The following REPS1 variants were observed in gnomAD, a reference collection of about 807,000 sequenced individuals.
The protein encoded by REPS1 is RALBP1 associated Eps domain containing 1.
REPS1 carries 39 observed loss-of-function variants against 100.9 expected under a neutral mutation model. The ratio of observed to expected loss-of-function variants is 0.39; its 90% CI spans 0.30 to 0.50. The LOEUF is 0.50. REPS1 is among the 20% of genes least tolerant of loss of function. REPS1 has a pLI of 0.86. For synonymous variants in REPS1, 324 were observed against 340.3 expected (o/e 0.95, Z 0.53); for missense variants, 821 against 968.5 (o/e 0.85, Z 2.02).
intron 1 of REPS1, among the ~76,000 whole-genome samples, chr6:138,976,121 T>A (rs1784588345): frequency 6.6e-6 from 1 of 152,152 alleles, no homozygotes; most frequent in African/African-American, 2.4e-5. Flanking sequence ...ATATACAGTA[T>A]CAATAAACAC....
Position 138,903,805 on chromosome 6 carries a change from G to A in REPS1, c.*1259C>T, listed in dbSNP as rs1779489349. The stretch of plus-strand genomic sequence containing the variant: ...TTCAGCTGATGTATATTTTTACCTA[G>A]ATATTGTCAGGTAAAAATTGTATTA... On this transcript the variant is annotated 3_prime_UTR_variant, in exon 20 of 20. Coordinates refer to ENST00000450536, the MANE Select transcript of REPS1 (RefSeq NM_001286611.2). 6.6e-6 allele frequency: 1 copy of A among 152,134 alleles called. No individual in the cohort carries two copies. The highest frequency in any genetic ancestry group is 2.4e-5 in the African/African-American group (1 of 41,434). 9.4% of individuals were successfully genotyped at this position (152,134 alleles called of 1,614,324 possible).
At chr6:138,985,767 T>A (rs1785222710) in intron 1 of REPS1, among the ~76,000 whole-genome samples, 1 of 152,216 alleles carries the variant, frequency 6.6e-6, no homozygotes, top group African/African-American at 2.4e-5. Context: ...TTGCACTGAA[T>A]TAAACATGTT....
chr6:138,981,145 G>A (rs1015831155), intron 1 of REPS1, among the ~76,000 whole-genome samples: 7 of 152,190 alleles, frequency 4.6e-5, no homozygotes, highest in South Asian at 4.1e-4. Context: ...TGTCCAGTGC[G>A]TGCAGCAGAA....
intron 9 of REPS1, chr6:138,929,508 C>G (rs1781354728): frequency 6.6e-6 from 1 of 152,572 alleles, no homozygotes; most frequent in Non-Finnish European, 1.5e-5. Flanking sequence ...GTAAAACATA[C>G]TTTCTTCATA....
chr6:138,930,078 C>T lies in REPS1; in HGVS notation c.1156G>A (p.Glu386Lys). ...DSADVGDQPG[E>K]VGYSGSPAEA... ...GCAGGAGAGCCTGAATAACCTACCT[C>T]ACCTGGCTGATCCCCAACATCTGCA... Residue 386 changes from glutamate (E) to lysine (K), a missense_variant, in exon 9 of 20, where the codon GAG becomes AAG. By Grantham distance (56) the Glu-to-Lys change is moderately conservative. Coordinates refer to ENST00000450536, the MANE Select transcript of REPS1 (RefSeq NM_001286611.2). 6.2e-7 allele frequency: 1 copy of T among 1,613,290 alleles called. No homozygotes were observed. Among genetic ancestry groups the T allele is most frequent in the Non-Finnish European group, 8.5e-7 (1 of 1,179,376 alleles).
chr6:138,911,255 T>C, intron 17 of REPS1, 21 bp downstream of exon 17: 2 of 1,466,100 alleles, frequency 1.4e-6, no homozygotes, highest in Non-Finnish European at 9.5e-7. Context: ...AAATTATTAT[T>C]ATAAAAGACA....
chr6:138,979,191 A>AC (rs1562569688), intron 1 of REPS1, among the ~76,000 whole-genome samples: 1 of 147,928 alleles, frequency 6.8e-6, no homozygotes, highest in East Asian at 2.0e-4. Context: ...AAAAAAAAAA[A>AC]AAAAAACAAA....
chr6:138,907,358 A>C, intron 19 of REPS1, 137 bp downstream of exon 19: 1 of 465,726 alleles, frequency 2.1e-6, no homozygotes, highest in Non-Finnish European at 4.0e-6. Context: ...GGGGTTAACT[A>C]ACCACAGTCA....
At chr6:138,943,669 A>C in intron 6 of REPS1, 93 bp from the exon 7 acceptor site, 1 of 1,084,230 alleles carries the variant, frequency 9.2e-7, no homozygotes, top group Non-Finnish European at 1.3e-6. Context: ...AACTGGGAAA[A>C]GATATTTTTA....
chr6:138,972,728 G>A (rs1055163959), intron 1 of REPS1, among the ~76,000 whole-genome samples: 5 of 150,338 alleles, frequency 3.3e-5, no homozygotes, highest in African/African-American at 4.9e-5. Context: ...TTGAAGTAAC[G>A]ATTGCTTAAA....
In REPS1 at chr6:138,917,591, T is replaced by G; in HGVS notation, c.1565A>C (p.Asp522Ala). ...GYSSSDSFTS[D>A]PEQIGSNVTR... ...TACATTGCTCCCGATCTGTTCTGGG[T>G]CAGAAGTAAAAGAGTCTGAACTACT... Residue 522 changes from aspartate (D) to alanine (A), a missense_variant, in exon 13 of 20, where the codon GAC (aspartate) becomes GCC (alanine). Transcript: ENST00000450536. The G allele has an allele frequency of 6.2e-7, 1 of 1,613,684 alleles. No homozygotes were observed.
intron 17 of REPS1, 45 bp downstream of exon 17, chr6:138,911,231 A>T: frequency 8.1e-7 from 1 of 1,236,514 alleles, no homozygotes; most frequent in Non-Finnish European, 1.2e-6. Context: ...ATTTCACATT[A>T]CTTATGATGT....
intron 1 of REPS1, among the ~76,000 whole-genome samples, chr6:138,958,726 T>C (rs1340052227): frequency 6.6e-6 from 1 of 152,236 alleles, no homozygotes; most frequent in Non-Finnish European, 1.5e-5. Context: ...ATTAACAGTT[T>C]TTGTTTTGTT....
intron 1 of REPS1, among the ~76,000 whole-genome samples, chr6:138,958,644 G>A (rs997335301): frequency 7.9e-5 from 12 of 152,140 alleles, no homozygotes; most frequent in South Asian, 2.1e-4. Context: ...GTACATTGTA[G>A]TATACTGCAA....
At chr6:138,949,833 G>C (rs1782894709) in intron 1 of REPS1, among the ~76,000 whole-genome samples, 1 of 152,148 alleles carries the variant, frequency 6.6e-6, no homozygotes, top group South Asian at 2.1e-4. Flanking sequence ...AGGAAGGAAA[G>C]ACCAGAGTGT....
rs774430848 is a variant in REPS1 at position 138,979,704 on chromosome 6, C to A, written c.153+7826G>T. The stretch of plus-strand genomic sequence containing the variant: ...ATGATAATACTATATATTACACATT[C>A]CCAATTTGTACCACTCTGATTGTGT... On this transcript the variant is annotated intron_variant, in intron 1 of 19. Transcript: ENST00000450536. Among the ~76,000 whole-genome samples the A allele has an allele frequency of 6.7e-4, 102 of 152,306 alleles. 1 individual carries two copies. The highest frequency in any genetic ancestry group is 1.3e-3 in the Non-Finnish European group (87 of 68,024).
chr6:138,972,940 T>C (rs912345501), intron 1 of REPS1, among the ~76,000 whole-genome samples: 89 of 152,288 alleles, frequency 5.8e-4, no homozygotes, highest in Non-Finnish European at 1.0e-4. Context: ...CACCCATCAA[T>C]GTACTGATGA....
At chr6:138,934,441 A>G in intron 8 of REPS1, 1 of 424,684 alleles carries the variant, frequency 2.4e-6, no homozygotes, top group Non-Finnish European at 5.0e-6. Flanking sequence ...ACCCAGTATG[A>G]TCACACTGAC....
rs911528400 is a variant in REPS1 at position 138,916,638 on chromosome 6, T to C, written c.1602-662A>G. 3.3e-5 allele frequency among the ~76,000 whole-genome samples: 5 copies of C among 152,188 alleles called. 1 individual carries two copies. Among genetic ancestry groups the C allele is most frequent in the Middle Eastern group, 6.3e-3 (2 of 316 alleles). ...AAAAAAATAATTGTATAAAGGAAAG[T>C]CTACTTTCAGATATGGTTAGCTTTC... On this transcript the variant is annotated intron_variant, in intron 13 of 19. Coordinates refer to ENST00000450536, the MANE Select transcript of REPS1 (RefSeq NM_001286611.2).
Sources: gnomAD v4.1 joint callset for allele counts (sites outside exome capture counted in the v4.1 genomes callset) on GRCh38, gnomAD v4.1.1 for gene constraint, MANE v1.5 for transcripts, NCBI Gene and HGNC (gene_info 2026-07-23, HGNC 2026-07-21) for gene names.